EMSY: variants seen among roughly 807,000 people sequenced by gnomAD.
EMSY encodes the protein BRCA2-interacting transcriptional repressor EMSY.
EMSY carries 26 observed loss-of-function variants against 134.6 expected under a neutral mutation model. The observed-to-expected ratio is 0.19, with a 90% CI of 0.14 to 0.27. The LOEUF (loss-of-function observed/expected upper bound fraction) is 0.27. EMSY is among the 10% of genes least tolerant of loss of function. The probability of loss-of-function intolerance (pLI) is 1.00; values close to 1 mark genes in which losing one functional copy is unlikely to be tolerated. For missense variants in EMSY, 1,305 were observed against 1,611.4 expected (o/e 0.81, Z 3.26); for synonymous variants, 579 against 577.8 (o/e 1.00, Z -0.03).
intron 8 of EMSY, among the ~76,000 whole-genome samples, chr11:76,473,567 C>G (rs1249333523): frequency 1.3e-5 from 2 of 152,098 alleles, no homozygotes; most frequent in Admixed American, 1.3e-4. Flanking sequence ...CCTCAGCTTC[C>G]CGAAGTGCTG....
intron 15 of EMSY, 81 bp downstream of exon 16, chr11:76,536,140 T>A: frequency 1.1e-6 from 1 of 877,970 alleles, no homozygotes; most frequent in African/African-American, 1.8e-5. Flanking sequence ...CTGTTATTAT[T>A]TATTATTACT....
intron 14 of EMSY, among the ~76,000 whole-genome samples, chr11:76,532,441 C>G (rs1288715250): frequency 6.6e-6 from 1 of 150,382 alleles, no homozygotes; most frequent in East Asian, 2.0e-4. Flanking sequence ...GGATAGATAG[C>G]TAGGTGACCA....
chr11:76,515,063 G>A (rs1187513424), intron 10 of EMSY, among the ~76,000 whole-genome samples: 1 of 142,672 alleles, frequency 7.0e-6, no homozygotes, highest in Non-Finnish European at 1.5e-5. Context: ...CTTTGCACTA[G>A]TTTTGTGGGT....
chr11:76,465,622 T>C (rs905466879), intron 7 of EMSY, among the ~76,000 whole-genome samples: 1 of 151,866 alleles, frequency 6.6e-6, no homozygotes, highest in Admixed American at 6.6e-5. Flanking sequence ...AAAAGCATCC[T>C]ACTCTTTCAT....
chr11:76,539,960 C>T (rs1474162190), intron 17 of EMSY, among the ~76,000 whole-genome samples: 2 of 152,190 alleles, frequency 1.3e-5, no homozygotes, highest in East Asian at 1.9e-4. Context: ...CCCATGATAT[C>T]CACAGCCATA....
At chr11:76,454,646 T>C (rs1312008416) in intron 4 of EMSY, 103 bp from the exon 5 acceptor site, 3 of 675,438 alleles carry the variant, frequency 4.4e-6, no homozygotes, top group Non-Finnish European at 7.1e-6. Flanking sequence ...TGTAGAAGCA[T>C]TGGAAAGGTA....
exon 21 of EMSY, chr11:76,550,420 A>G (rs1043410579): frequency 3.9e-6 from 1 of 253,962 alleles, no homozygotes; most frequent in East Asian, 7.2e-5. Context: ...CTGTTGGATC[A>G]TGGCCGGTGA....
intron 9 of EMSY, among the ~76,000 whole-genome samples, chr11:76,507,579 A>G (rs1470046116): frequency 6.6e-6 from 1 of 152,220 alleles, no homozygotes; most frequent in East Asian, 1.9e-4. Context: ...TTGTTCATCC[A>G]TGAGAAGCAA....
At chr11:76,549,865 CTT>C (rs113464239) in intron 20 of EMSY, 85 bp from the exon 22 acceptor site, 2,020 of 980,768 alleles carry the variant, frequency 2.1e-3, no homozygotes, top group South Asian at 3.4e-3. Context: ...TGTCAGTTTT[CTT>C]TTTTTTTTTT....
In EMSY at chr11:76,535,804, T is replaced by G. The variant is rs1951201861; in HGVS notation, c.2195-91T>G. 9 of 1,042,228 alleles carry G rather than the reference T, an allele frequency of 8.6e-6. No homozygotes were observed. The South Asian group carries it at 1.9e-4, about 22-fold the overall frequency. 64.6% of individuals were successfully genotyped at this position (1,042,228 alleles called of 1,614,324 possible). ...ATGAAGTTTACAATAAATAGAAAGA[T>G]AAGCAAACAGACAAAAAAATTGTTT... On this transcript the variant is annotated intron_variant, in intron 14 of 20. Coordinates refer to ENST00000334736, the Ensembl canonical transcript of EMSY.
intron 8 of EMSY, among the ~76,000 whole-genome samples, chr11:76,473,555 C>T (rs11236761): frequency 0.13 from 20,016 of 151,734 alleles, 2,022 homozygotes; most frequent in East Asian, 0.37. Context: ...ACAATCCACC[C>T]GCCTCAGCTT....
Position 76,464,151 on chromosome 11 carries a change from T to C in EMSY, c.831+71T>C, listed in dbSNP as rs558799449. On this transcript the variant is annotated intron_variant, in intron 7 of 20. Transcript: ENST00000334736. ...CAGTATGATTCAGATTTAATAAACA[T>C]GCACTGAGTGCTTACTATGTGCTTG... 37 of 1,544,906 alleles carry C rather than the reference T, an allele frequency of 2.4e-5. No individual in the cohort carries two copies. In the African/African-American group the frequency reaches 4.3e-4, roughly 18 times the overall value.
At chr11:76,506,285 T>C (rs1016252310) in intron 9 of EMSY, among the ~76,000 whole-genome samples, 1 of 152,292 alleles carries the variant, frequency 6.6e-6, no homozygotes, top group East Asian at 1.9e-4. Context: ...TATCAATATA[T>C]TGTATTGTCT....
At chr11:76,526,333 TTATAC>T in intron 12 of EMSY, 124 bp from the exon 14 acceptor site, 1 of 584,608 alleles carries the variant, frequency 1.7e-6, no homozygotes, top group South Asian at 6.3e-5. Flanking sequence ...CCTGGAAACA[TTATAC>T]TTTGTTACAT....
intron 14 of EMSY, 106 bp from the exon 16 acceptor site, chr11:76,535,789 C>A (rs1951201012): frequency 1.1e-6 from 1 of 911,404 alleles, no homozygotes. Context: ...ATGAAGTTTA[C>A]AATAAATAGA....
At chr11:76,446,383 A>T (rs1947410475) in intron 1 of EMSY, among the ~76,000 whole-genome samples, 1 of 150,822 alleles carries the variant, frequency 6.6e-6, no homozygotes, top group African/African-American at 2.4e-5. Context: ...TTCCAATTTT[A>T]GTATATGTGT....
chr11:76,482,501 G>A (rs73493493), intron 8 of EMSY, among the ~76,000 whole-genome samples: 1 of 152,176 alleles, frequency 6.6e-6, no homozygotes, highest in Non-Finnish European at 1.5e-5. Flanking sequence ...TAAGACCCTT[G>A]AAAAGAGGTT....
At chr11:76,520,679 C>T (rs1048806682) in intron 11 of EMSY, among the ~76,000 whole-genome samples, 1 of 152,008 alleles carries the variant, frequency 6.6e-6, no homozygotes, top group African/African-American at 2.4e-5. Flanking sequence ...CATATAATGG[C>T]AAATATATTG....
At chr11:76,508,605 T>G (rs1033335026) in intron 9 of EMSY, among the ~76,000 whole-genome samples, 1 of 152,238 alleles carries the variant, frequency 6.6e-6, no homozygotes, top group African/African-American at 2.4e-5. Context: ...AGGCATTGAC[T>G]TCTTTATCTA....
Sources: allele counts gnomAD v4.1 joint callset (sites outside exome capture counted in the v4.1 genomes callset), GRCh38; gene constraint gnomAD v4.1.1; transcripts MANE v1.5; gene names NCBI Gene and HGNC (gene_info 2026-07-23, HGNC 2026-07-21).